Variants in WLS observed in about 807,000 individuals in gnomAD.
WLS encodes Wnt ligand secretion mediator.
Under a neutral mutation model 62.8 loss-of-function variants are expected in WLS, and 23 were observed. The ratio of observed to expected loss-of-function variants is 0.37; its 90% CI spans 0.26 to 0.52. The LOEUF is 0.52. Among genes scored for constraint, WLS ranks in the 20% least tolerant of loss-of-function variants. The pLI, the probability that WLS is intolerant of heterozygous loss-of-function variation, is 0.92. For missense variants in WLS, 615 were observed against 697.3 expected, an observed-to-expected ratio of 0.88 and a Z score of 1.33; for synonymous variants, 246 against 244.1, an observed-to-expected ratio of 1.01 and a Z score of -0.07.
intron 11 of WLS, chr1:68,098,877 G>A (rs1215950134): frequency 1.4e-6 from 2 of 1,401,240 alleles, no homozygotes; most frequent in East Asian, 2.5e-5. Flanking sequence ...TTCTAGTGGA[G>A]TGTTTGAAAT....
chr1:68,106,176 A>G (rs1646140330), intron 11 of WLS, among the ~76,000 whole-genome samples: 1 of 152,244 alleles, frequency 6.6e-6, no homozygotes, highest in African/African-American at 2.4e-5. Flanking sequence ...AGATACATCC[A>G]TAATATATAT....
At chr1:68,185,133 C>T (rs2100578907) in intron 2 of WLS, among the ~76,000 whole-genome samples, 1 of 152,204 alleles carries the variant, frequency 6.6e-6, no homozygotes, top group East Asian at 1.9e-4. Context: ...ATTTTGACAC[C>T]ACTTACCTGG....
At chr1:68,230,286 T>C (rs1285152552) in intron 1 of WLS, among the ~76,000 whole-genome samples, 1 of 151,980 alleles carries the variant, frequency 6.6e-6, no homozygotes, top group Non-Finnish European at 1.5e-5. Context: ...AGGATGAAGG[T>C]CAGACAGGGA....
At chr1:68,151,413 A>T (rs1288919510) in intron 5 of WLS, among the ~76,000 whole-genome samples, 2 of 152,198 alleles carry the variant, frequency 1.3e-5, no homozygotes, top group Admixed American at 1.3e-4. Context: ...TAAAAAGTTT[A>T]AACAATGGAG....
chr1:68,215,395 AAAG>A (rs563542278), intron 1 of WLS, among the ~76,000 whole-genome samples: 44 of 152,358 alleles, frequency 2.9e-4, no homozygotes, highest in South Asian at 1.0e-3. Context: ...ATGTAAATTA[AAAG>A]AATAAGATAT....
At chr1:68,191,143 AGACAG>A (rs1648280257) in intron 2 of WLS, among the ~76,000 whole-genome samples, 1 of 152,118 alleles carries the variant, frequency 6.6e-6, no homozygotes, top group East Asian at 1.9e-4. Flanking sequence ...TACAGTCAGT[AGACAG>A]TAATTATTTA....
intron 1 of WLS, among the ~76,000 whole-genome samples, chr1:68,230,582 TGCGC>T (rs147996071): frequency 1.4e-5 from 2 of 142,398 alleles, no homozygotes; most frequent in South Asian, 4.7e-4. Context: ...TGTGTGTGTG[TGCGC>T]GCGTGTGTGT....
At chr1:68,175,806 T>C (rs1570952379) in intron 2 of WLS, among the ~76,000 whole-genome samples, 1 of 152,140 alleles carries the variant, frequency 6.6e-6, no homozygotes, top group Non-Finnish European at 1.5e-5. Flanking sequence ...TAACACCGCA[T>C]ACCAGCATGA....
chr1:68,138,702 A>G (rs1480580351), intron 10 of WLS, among the ~76,000 whole-genome samples: 2 of 152,222 alleles, frequency 1.3e-5, no homozygotes, highest in Non-Finnish European at 2.9e-5. Flanking sequence ...GGATTACACT[A>G]AGAACTGTCA....
chr1:68,165,262 G>A (rs762945693), intron 2 of WLS, among the ~76,000 whole-genome samples: 13 of 152,088 alleles, frequency 8.5e-5, no homozygotes, highest in Non-Finnish European at 1.8e-4. Flanking sequence ...CAGGCAAGAG[G>A]GGCCTTTGAA....
chr1:68,171,416 AT>A (rs1647150721), intron 2 of WLS, among the ~76,000 whole-genome samples: 1 of 152,256 alleles, frequency 6.6e-6, no homozygotes, highest in South Asian at 2.1e-4. Context: ...CAGTCTATCC[AT>A]CTGGCAAAGG....
At chr1:68,228,727 A>T (rs1479576297) in intron 1 of WLS, among the ~76,000 whole-genome samples, 2 of 151,546 alleles carry the variant, frequency 1.3e-5, no homozygotes, top group African/African-American at 4.8e-5. Flanking sequence ...GTTTTTAAAA[A>T]AGCATTATAT....
At chr1:68,228,377 T>C (rs1650255731) in intron 1 of WLS, 3 of 304,542 alleles carry the variant, frequency 9.9e-6, no homozygotes, top group East Asian at 9.7e-5. Flanking sequence ...ACATGACTAA[T>C]TTGAAGCTGA....
chr1:68,144,773 G>T, intron 9 of WLS, 121 bp from the exon 10 acceptor site: 1 of 748,840 alleles, frequency 1.3e-6, no homozygotes, highest in Non-Finnish European at 2.1e-6. Context: ...AAGAATGACA[G>T]TAAAATAGTT....
intron 11 of WLS, among the ~76,000 whole-genome samples, chr1:68,104,087 C>T (rs551197301): frequency 1.3e-5 from 2 of 152,102 alleles, no homozygotes. Context: ...CCTTGAGGCA[C>T]AGGACAGAAG....
At chr1:68,138,640 T>G (rs1646645988) in intron 10 of WLS, among the ~76,000 whole-genome samples, 1 of 152,190 alleles carries the variant, frequency 6.6e-6, no homozygotes, top group Admixed American at 6.5e-5. Context: ...GAAGCTGCTT[T>G]TGTCTGTGTT....
intron 2 of WLS, among the ~76,000 whole-genome samples, chr1:68,159,921 T>G (rs920819557): frequency 6.6e-6 from 1 of 152,222 alleles, no homozygotes; most frequent in Non-Finnish European, 1.5e-5. Context: ...CACAAATGAA[T>G]GTTCACACAT....
At chr1:68,213,365 C>T (rs569745366) in intron 1 of WLS, among the ~76,000 whole-genome samples, 1 of 150,002 alleles carries the variant, frequency 6.7e-6, no homozygotes, top group East Asian at 2.0e-4. Context: ...GCAGGAGAAT[C>T]ACTTGAACCC....
At chr1:68,174,112 G>A in intron 2 of WLS, among the ~76,000 whole-genome samples, 1 of 152,144 alleles carries the variant, frequency 6.6e-6, no homozygotes, top group East Asian at 1.9e-4. Context: ...AAGAAACAAG[G>A]GAATAATGCC....
Sources: gnomAD v4.1 joint callset for allele counts (sites outside exome capture counted in the v4.1 genomes callset) on GRCh38, gnomAD v4.1.1 for gene constraint, MANE v1.5 for transcripts, NCBI Gene and HGNC (gene_info 2026-07-23, HGNC 2026-07-21) for gene names.